LARP1: variants seen among roughly 807,000 people sequenced by gnomAD.
LARP1 encodes La ribonucleoprotein 1, translational regulator, also known as la-related protein 1.
Under a neutral mutation model 122.7 loss-of-function variants are expected in LARP1, and 36 were observed. The observed-to-expected ratio is 0.29, with a 90% confidence interval of 0.22 to 0.39. LARP1 has a LOEUF of 0.39. Ranked by LOEUF, LARP1 falls within the 10% of genes least tolerant of loss-of-function variation. The pLI is 1.00. For missense variants in LARP1, 1,040 were observed against 1,403.6 expected, an observed-to-expected ratio of 0.74 and a Z score of 4.14; for synonymous variants, 539 against 528.7, an observed-to-expected ratio of 1.02 and a Z score of -0.27.
At chr5:154,723,065 T>C (rs538634811) in intron 1 of LARP1, among the ~76,000 whole-genome samples, 7 of 152,320 alleles carry the variant, frequency 4.6e-5, no homozygotes, top group African/African-American at 1.7e-4. Context: ...GGTCATACAG[T>C]GAGTTGAGGT....
At chr5:154,757,428 C>G (rs1305676040) in intron 1 of LARP1, 3 of 151,952 alleles carry the variant, frequency 2.0e-5, no homozygotes, top group African/African-American at 7.2e-5. Flanking sequence ...CCACTCTCCT[C>G]TCTCGGCCGG....
intron 1 of LARP1, among the ~76,000 whole-genome samples, chr5:154,721,429 C>T (rs1330658411): frequency 6.6e-6 from 1 of 151,694 alleles, no homozygotes; most frequent in Non-Finnish European, 1.5e-5. Context: ...GCCCCACCCA[C>T]AGCTTCATAT....
At chr5:154,721,346 CAAAAAAAAAAA>C (rs70981943) in intron 1 of LARP1, among the ~76,000 whole-genome samples, 12 of 126,918 alleles carry the variant, frequency 9.5e-5, no homozygotes, top group Admixed American at 1.7e-4. Context: ...GACTCCGTCT[CAAAAAAAAAAA>C]AAAAAAAAAA....
intron 1 of LARP1, among the ~76,000 whole-genome samples, chr5:154,717,572 A>C (rs1370162340): frequency 6.6e-6 from 1 of 152,222 alleles, no homozygotes; most frequent in East Asian, 1.9e-4. Flanking sequence ...ATTATACCAG[A>C]AGTGACTGGT....
At chr5:154,769,826 G>C (rs968745064) in intron 1 of LARP1, among the ~76,000 whole-genome samples, 5 of 152,242 alleles carry the variant, frequency 3.3e-5, no homozygotes, top group Non-Finnish European at 5.9e-5. Context: ...TTCAGTCAAA[G>C]TGTTGGGGAG....
At chr5:154,795,059 T>TG in intron 7 of LARP1, 116 bp from the exon 8 acceptor site, 1 of 938,908 alleles carries the variant, frequency 1.1e-6, no homozygotes, top group Non-Finnish European at 1.7e-6. Flanking sequence ...AGGATAAGGA[T>TG]GGGGTAGGTC....
intron 1 of LARP1, among the ~76,000 whole-genome samples, chr5:154,769,923 A>G (rs1755264891): frequency 6.6e-6 from 1 of 152,170 alleles, no homozygotes; most frequent in Non-Finnish European, 1.5e-5. Flanking sequence ...ACCAGGTGGT[A>G]ATGAGTTTAG....
At chr5:154,692,328 A>C (rs965971603) in intron 1 of LARP1, among the ~76,000 whole-genome samples, 2 of 152,140 alleles carry the variant, frequency 1.3e-5, no homozygotes, top group African/African-American at 4.8e-5. Context: ...CTAAACCTTG[A>C]TTTCCACATC....
intron 18 of LARP1, among the ~76,000 whole-genome samples, chr5:154,813,641 A>G (rs1473684298): frequency 6.6e-6 from 1 of 152,218 alleles, no homozygotes; most frequent in African/African-American, 2.4e-5. Flanking sequence ...CAGTTTCCTC[A>G]TCTATAAAAT....
chr5:154,734,615 G>A (rs993747937), intron 1 of LARP1, among the ~76,000 whole-genome samples: 9 of 151,976 alleles, frequency 5.9e-5, no homozygotes, highest in African/African-American at 1.2e-4. Context: ...TAAAGGGGGC[G>A]TATACAGGCA....
intron 1 of LARP1, among the ~76,000 whole-genome samples, chr5:154,764,652 C>T (rs1197569314): frequency 6.9e-6 from 1 of 145,844 alleles, no homozygotes; most frequent in Non-Finnish European, 1.5e-5. Flanking sequence ...CACCTGTAAT[C>T]CCAGCACTTT....
chr5:154,795,741 T>G (rs2113793250), intron 8 of LARP1, among the ~76,000 whole-genome samples: 1 of 148,382 alleles, frequency 6.7e-6, no homozygotes, highest in South Asian at 2.1e-4. Flanking sequence ...CATACCTAAA[T>G]TAACAGTTTA....
chr5:154,738,944 A>T (rs556421008), intron 1 of LARP1, among the ~76,000 whole-genome samples: 1 of 152,174 alleles, frequency 6.6e-6, no homozygotes, highest in South Asian at 2.1e-4. Flanking sequence ...CATAAAACAA[A>T]ACAAAAATAA....
chr5:154,755,513 C>T lies in LARP1; in HGVS notation c.-245C>T, dbSNP rs1207899151. The stretch of plus-strand genomic sequence containing the variant: ...GGAACGGGCGGGGGGGGACGCACGC[C>T]TAGGAGGCCTGGACTGCAGAGTGGG... On this transcript the variant is annotated 5_prime_UTR_variant, in exon 1 of 19. Transcript: ENST00000518297. 1 of 980,750 alleles carries T rather than the reference C, an allele frequency of 1.0e-6. No individual in the cohort carries two copies. Among genetic ancestry groups the T allele is most frequent in the Non-Finnish European group, 1.2e-6 (1 of 824,328 alleles). 60.8% of individuals were successfully genotyped at this position (980,750 alleles called of 1,614,324 possible).
intron 8 of LARP1, among the ~76,000 whole-genome samples, chr5:154,798,299 A>G (rs1469788225): frequency 1.3e-5 from 2 of 152,244 alleles, no homozygotes; most frequent in East Asian, 3.8e-4. Flanking sequence ...CCATTTAAGA[A>G]AAAAGCAAAT....
chr5:154,707,990 C>A (rs1434144429), upstream of LARP1, among the ~76,000 whole-genome samples: 1 of 152,156 alleles, frequency 6.6e-6, no homozygotes, highest in Non-Finnish European at 1.5e-5. Flanking sequence ...CCGTCATTTG[C>A]CCTCTCAAGC....
chr5:154,777,477 C>T lies in LARP1; in HGVS notation c.437-12848C>T, dbSNP rs183790356. 2.0e-4 allele frequency among the ~76,000 whole-genome samples: 30 copies of T among 152,162 alleles called. 1 individual carries two copies. Among genetic ancestry groups the T allele is most frequent in the Middle Eastern group, 3.4e-3 (1 of 294 alleles). On this transcript the variant is annotated intron_variant, in intron 1 of 18. Coordinates refer to ENST00000518297, the MANE Select transcript of LARP1 (RefSeq NM_033551.3). ...CAGAGGTTGCAGTGAGCAGAGATCA[C>T]GCCACTGCACTCCAGCCTGGGTGAC...
intron 1 of LARP1, among the ~76,000 whole-genome samples, chr5:154,737,892 C>T (rs1336570422): frequency 6.6e-6 from 1 of 152,150 alleles, no homozygotes; most frequent in Non-Finnish European, 1.5e-5. Context: ...TCAGCCCTCC[C>T]CTTCATAGTC....
intron 1 of LARP1, among the ~76,000 whole-genome samples, chr5:154,725,583 T>A (rs1021871612): frequency 6.6e-6 from 1 of 151,432 alleles, no homozygotes; most frequent in Non-Finnish European, 1.5e-5. Context: ...ACAAAATAAA[T>A]GTGTGTGTGC....
Sources: allele counts gnomAD v4.1 joint callset (sites outside exome capture counted in the v4.1 genomes callset), GRCh38; gene constraint gnomAD v4.1.1; transcripts MANE v1.5; gene names NCBI Gene and HGNC (gene_info 2026-07-23, HGNC 2026-07-21).